Variants in CRABP2 observed in about 807,000 individuals in gnomAD.
CRABP2 encodes the protein cellular retinoic acid-binding protein 2.
CRABP2 carries 20 observed loss-of-function variants against 17.9 expected under a neutral mutation model. That is an observed-to-expected ratio of 1.12 (90% CI 0.79 to 1.63). The LOEUF is 1.63. Ranked by LOEUF, CRABP2 falls within the 40% of genes most tolerant of loss-of-function variation. The pLI, the probability that CRABP2 is intolerant of heterozygous loss-of-function variation, is 0.00. For synonymous variants in CRABP2, 76 were observed against 66.4 expected (o/e 1.14, Z -0.70); for missense variants, 151 against 168.6 (o/e 0.90, Z 0.58).
chr1:156,699,933 C>A lies in CRABP2; in HGVS notation c.*93G>T. ...GTGACTGGGGTAAGGGGAGCGCTAT[C>A]CTAGAAGGAGGGGGTGGGACGGAGG... On this transcript the variant is annotated 3_prime_UTR_variant, in exon 4 of 4. Transcript: ENST00000368222. 1 of 1,370,370 alleles carries A rather than the reference C, an allele frequency of 7.3e-7. No individual in the cohort carries two copies. The highest frequency in any genetic ancestry group is 1.0e-6 in the Non-Finnish European group (1 of 983,814). 84.9% of individuals were successfully genotyped at this position (1,370,370 alleles called of 1,614,324 possible).
upstream of CRABP2, chr1:156,705,632 C>T: frequency 1.7e-6 from 1 of 584,734 alleles, no homozygotes; most frequent in South Asian, 2.3e-5. This position sits in a 1 kb window ranked among gnomAD's most constrained non-coding sequence, Gnocchi z 5.2. Flanking sequence ...CGGAACCGCC[C>T]CTGCCCAGGA....
chr1:156,703,671 C>A (rs1466188843), intron 1 of CRABP2, among the ~76,000 whole-genome samples: 1 of 152,166 alleles, frequency 6.6e-6, no homozygotes, highest in Admixed American at 6.5e-5. Context: ...AGAGAGGAAG[C>A]CTTGCCCCTG....
At position 156,702,235 on chromosome 1, in the gene CRABP2, G is replaced by A. The variant is rs552427209; in HGVS notation, c.71-1183C>T. The stretch of plus-strand genomic sequence containing the variant: ...TGGGAGGCCGAGGCGGGCGGATCAC[G>A]AGGTCAAGAGTTCAAGACCAGCCTG... On this transcript the variant is annotated intron_variant, in intron 1 of 3. Coordinates refer to ENST00000368222, the MANE Select transcript of CRABP2 (RefSeq NM_001878.4). Among the ~76,000 whole-genome samples, 5 of 148,222 alleles carry A rather than the reference G, an allele frequency of 3.4e-5. No homozygotes were observed. The East Asian group carries it at 8.0e-4, about 24-fold the overall frequency.
chr1:156,700,209 G>A (rs1159562083), intron 3 of CRABP2, 133 bp from the exon 4 acceptor site: 3 of 882,160 alleles, frequency 3.4e-6, no homozygotes, highest in Admixed American at 2.1e-5. Context: ...CCAACAGGCA[G>A]GAGCTGGTCC....
chr1:156,703,027 C>T (rs962608631), intron 1 of CRABP2, among the ~76,000 whole-genome samples: 13 of 108,880 alleles, frequency 1.2e-4, no homozygotes, highest in Non-Finnish European at 2.2e-4. Context: ...TGAGACCCTA[C>T]CACTAAAAAA....
rs1330349976 is a variant in CRABP2 at position 156,700,035 on chromosome 1, G to A, written c.408C>T (p.Val136=). ...TTCTACCTGTGGCCACTCACTCTCGGACGTAGACCCTGGTGCACACAACGT... is the reference window on the plus strand; with the variant it reads ...TTCTACCTGTGGCCACTCACTCTCGAACGTAGACCCTGGTGCACACAACGT... ...ADDVVCTRVY[V]RE The change falls in exon 4 of 4, where the codon GTC becomes GTT. Residue 136 remains valine, a synonymous_variant. Transcript: ENST00000368222. 16 of 1,613,352 alleles carry A rather than the reference G, an allele frequency of 9.9e-6. No homozygotes were observed. Among genetic ancestry groups the A allele is most frequent in the Non-Finnish European group, 1.4e-5 (16 of 1,179,704 alleles).
At position 156,700,037 on chromosome 1, in the gene CRABP2, C is replaced by T. The variant is rs748026278; in HGVS notation, c.406G>A (p.Val136Ile). The change falls in exon 4 of 4, where the codon GTC becomes ATC. Residue 136 changes from valine to isoleucine, a missense_variant. Physicochemically the swap from Val to Ile is conservative, Grantham distance 29 (BLOSUM62 3). Transcript: ENST00000368222. ...ADDVVCTRVY[V>I]RE ...CTACCTGTGGCCACTCACTCTCGGA[C>T]GTAGACCCTGGTGCACACAACGTCA... 14 of 1,613,428 alleles carry T rather than the reference C, an allele frequency of 8.7e-6. No individual in the cohort carries two copies. Among genetic ancestry groups the T allele is most frequent in the South Asian group, 7.7e-5 (7 of 90,890 alleles).
chr1:156,703,146 G>C (rs1055018322), intron 1 of CRABP2, among the ~76,000 whole-genome samples: 23 of 151,960 alleles, frequency 1.5e-4, no homozygotes, highest in Admixed American at 5.9e-4. Context: ...GTCCCCTCAA[G>C]GGAACCCCCT....
rs1475894339 is a variant in CRABP2, at chr1:156,700,489, A to G, written c.366+53T>C. 2.1e-6 allele frequency: 3 copies of G among 1,419,850 alleles called. No homozygotes were observed. The African/African-American group carries it at 4.2e-5, about 20-fold the overall frequency. The allele number at this position is 1,419,850 out of a possible 1,614,324, so 88.0% of individuals were successfully genotyped here. ...CCTGCACCCTGGGGTCTCCCAGAGA[A>G]TCTTGGAAGGTAGCACTGGGTTTGC... On this transcript the variant is annotated intron_variant, in intron 3 of 3. Transcript: ENST00000368222.
In CRABP2 at chr1:156,705,473, T is replaced by C. The variant is rs1648168923; in HGVS notation, c.-27A>G. 6.2e-7 allele frequency: 1 copy of C among 1,612,178 alleles called. No homozygotes were observed. The highest frequency in any genetic ancestry group is 8.5e-7 in the Non-Finnish European group (1 of 1,178,672). ...GTGGCGGCGCGGGAGGCGGTCCCCGTAGACTCCTAGGCTGGAGCACTGGAC... is the reference window on the plus strand; with the variant it reads ...GTGGCGGCGCGGGAGGCGGTCCCCGCAGACTCCTAGGCTGGAGCACTGGAC... On this transcript the variant is annotated 5_prime_UTR_variant, in exon 1 of 4. Transcript: ENST00000368222. This position sits in a 1 kb window ranked among gnomAD's most constrained non-coding sequence, Gnocchi z 5.2.
upstream of CRABP2, chr1:156,705,767 C>T (rs1465997377): frequency 1.6e-5 from 5 of 316,090 alleles, no homozygotes; most frequent in Middle Eastern, 9.1e-4. This position sits in a 1 kb window ranked among gnomAD's most constrained non-coding sequence, Gnocchi z 5.2. Context: ...TAGCCTTCTC[C>T]TGCGCTAGTA....
chr1:156,700,842 G>A lies in CRABP2; in HGVS notation c.249+32C>T, dbSNP rs372283007. 352 of 1,605,234 alleles carry A rather than the reference G, an allele frequency of 2.2e-4. 9 individuals are homozygous for A. The East Asian group carries it at 3.5e-3, about 16-fold the overall frequency. ...GCAGGTTGAGAGGCAGGGCAATGAC[G>A]CCATGACCCTGGAGCCCCTTCTGGC... On this transcript the variant is annotated intron_variant, in intron 2 of 3. Transcript: ENST00000368222.
intron 1 of CRABP2, among the ~76,000 whole-genome samples, chr1:156,702,284 C>G (rs1431513706): frequency 1.3e-5 from 2 of 151,456 alleles, no homozygotes; most frequent in Admixed American, 1.3e-4. Context: ...AACCCCATCT[C>G]TACTAAAAAT....
intron 1 of CRABP2, among the ~76,000 whole-genome samples, chr1:156,704,109 GAGA>G (rs1648125497): frequency 6.6e-6 from 1 of 152,196 alleles, no homozygotes; most frequent in Admixed American, 6.5e-5. Context: ...CCAGAATCCA[GAGA>G]AGATGAGGAG....
At chr1:156,703,391 C>G (rs568268555) in intron 1 of CRABP2, among the ~76,000 whole-genome samples, 14 of 152,308 alleles carry the variant, frequency 9.2e-5, no homozygotes, top group African/African-American at 3.4e-4. Context: ...GAAAGGAAGA[C>G]GTGCAGAGCA....
chr1:156,704,921 G>A (rs1648149101), intron 1 of CRABP2, among the ~76,000 whole-genome samples: 1 of 151,960 alleles, frequency 6.6e-6, no homozygotes, highest in Non-Finnish European at 1.5e-5. Flanking sequence ...CTGCCCTGGG[G>A]ATTGGGTTAC....
intron 1 of CRABP2, among the ~76,000 whole-genome samples, chr1:156,701,801 G>A (rs1384340468): frequency 2.6e-5 from 4 of 152,120 alleles, no homozygotes; most frequent in Non-Finnish European, 5.9e-5. Context: ...ACCACCCTGA[G>A]CCTTAGATTC....
Position 156,700,572 on chromosome 1 carries a change from T to C in CRABP2, c.336A>G (p.Arg112=). The C allele has an allele frequency of 6.2e-7, 1 of 1,614,134 alleles. No homozygotes were observed. The highest frequency in any genetic ancestry group is 8.5e-7 in the Non-Finnish European group (1 of 1,179,990). ...KGEGPKTSWT[R]ELTNDGELIL... ...TCAGTTCCCCATCGTTGGTCAGTTC[T>C]CTGGTCCACGAGGTCTTGGGGCCCT... Residue 112 remains arginine, a synonymous_variant, in exon 3 of 4, where the codon AGA becomes AGG. Coordinates refer to ENST00000368222, the MANE Select transcript of CRABP2 (RefSeq NM_001878.4).
At chr1:156,703,955 TGAG>T (rs1370355025) in intron 1 of CRABP2, among the ~76,000 whole-genome samples, 1 of 152,032 alleles carries the variant, frequency 6.6e-6, no homozygotes, top group African/African-American at 2.4e-5. Flanking sequence ...CTGCAGGGCC[TGAG>T]GAGGGCACGT....
Sources: allele counts gnomAD v4.1 joint callset (sites outside exome capture counted in the v4.1 genomes callset), GRCh38; gene constraint gnomAD v4.1.1; non-coding constraint Gnocchi (gnomAD v3.1); transcripts MANE v1.5; gene names NCBI Gene and HGNC (gene_info 2026-07-23, HGNC 2026-07-21).